Variants in TBCE observed in about 807,000 individuals in gnomAD.
TBCE encodes the protein tubulin-specific chaperone E.
In TBCE, 53 loss-of-function variants were observed where a neutral mutation model predicts 77.0. That is an observed-to-expected ratio of 0.69 (90% CI 0.55 to 0.87). TBCE has a LOEUF of 0.87. TBCE is among the 40% of genes least tolerant of loss of function. The pLI is 0.00. For synonymous variants in TBCE, 235 were observed against 241.3 expected (o/e 0.97, Z 0.24); for missense variants, 624 against 622.4 (o/e 1.00, Z -0.03).
intron 1 of TBCE, among the ~76,000 whole-genome samples, chr1:235,378,489 G>A (rs905805619): frequency 3.3e-5 from 5 of 152,172 alleles, no homozygotes; most frequent in African/African-American, 1.2e-4. Flanking sequence ...CTCCCAAAGC[G>A]CTGAGATTAC....
In TBCE at chr1:235,450,356, C is replaced by CA; in HGVS notation, c.*1597dup. On this transcript the variant is annotated 3_prime_UTR_variant, in exon 17 of 17. Coordinates refer to ENST00000642610, the MANE Select transcript of TBCE (RefSeq NM_003193.5). ...ACAGACTGTCCTGTTGAGAAACAAC[C>CA]AAAGCCGATCTGAGAGTGGTGAAAC... 1 of 1,612,844 alleles carries CA rather than the reference C, an allele frequency of 6.2e-7. No individual in the cohort carries two copies. Among genetic ancestry groups the CA allele is most frequent in the Non-Finnish European group, 8.5e-7 (1 of 1,179,030 alleles).
At chr1:235,411,879 G>A (rs186301356) in intron 3 of TBCE, among the ~76,000 whole-genome samples, 7 of 152,004 alleles carry the variant, frequency 4.6e-5, no homozygotes, top group African/African-American at 1.7e-4. Context: ...TTCAGGACAA[G>A]GGTAGGCTGT....
intron 5 of TBCE, among the ~76,000 whole-genome samples, chr1:235,422,981 A>G (rs1004212881): frequency 1.3e-5 from 2 of 152,204 alleles, no homozygotes; most frequent in African/African-American, 2.4e-5. Flanking sequence ...CGAAGAAATG[A>G]GGTTTCACGA....
chr1:235,377,580 A>G (rs1480320801), intron 1 of TBCE, among the ~76,000 whole-genome samples: 2 of 152,160 alleles, frequency 1.3e-5, no homozygotes, highest in Non-Finnish European at 2.9e-5. Context: ...TGAAATGCTT[A>G]GATTATTCTG....
Position 235,450,261 on chromosome 1 carries a change from TC to T in TBCE, c.*1501del. On this transcript the variant is annotated 3_prime_UTR_variant, in exon 17 of 17. Coordinates refer to ENST00000642610, the MANE Select transcript of TBCE (RefSeq NM_003193.5). ...GCACCGTTCCTTCAGTTTCCACAGT[TC>T]CGTCAGTTCCCACGGAGAATACTGA... 6.2e-7 allele frequency: 1 copy of T among 1,614,118 alleles called. No individual in the cohort carries two copies. The highest frequency in any genetic ancestry group is 8.5e-7 in the Non-Finnish European group (1 of 1,179,970).
intron 2 of TBCE, among the ~76,000 whole-genome samples, chr1:235,380,599 A>G (rs1677577360): frequency 6.6e-6 from 1 of 151,886 alleles, no homozygotes; most frequent in African/African-American, 2.4e-5. Context: ...AAATTTACCT[A>G]TGTTTCTACA....
intron 3 of TBCE, among the ~76,000 whole-genome samples, chr1:235,403,141 A>G (rs1260003385): frequency 1.3e-5 from 2 of 152,122 alleles, no homozygotes; most frequent in Admixed American, 1.3e-4. Context: ...AGGGAGAAAT[A>G]TTTTAGCCAG....
chr1:235,437,265 C>G (rs963114163), intron 11 of TBCE, 57 bp from the exon 12 acceptor site: 1 of 1,612,044 alleles, frequency 6.2e-7, no homozygotes, highest in Non-Finnish European at 8.5e-7. Flanking sequence ...GTTCAAACTT[C>G]TGCAAAAGTG....
At chr1:235,371,971 C>T (rs1676992696) in intron 1 of TBCE, among the ~76,000 whole-genome samples, 1 of 149,202 alleles carries the variant, frequency 6.7e-6, no homozygotes, top group Admixed American at 6.7e-5. Context: ...ACTGTGCCTG[C>T]CCTTTTTTTC....
At chr1:235,377,083 C>G (rs977685075) in intron 1 of TBCE, among the ~76,000 whole-genome samples, 13 of 152,238 alleles carry the variant, frequency 8.5e-5, no homozygotes, top group African/African-American at 3.1e-4. Context: ...ATCCTGGCCC[C>G]CTTCCCAATG....
intron 3 of TBCE, among the ~76,000 whole-genome samples, chr1:235,405,243 A>AT (rs1281743840): frequency 2.0e-5 from 3 of 151,626 alleles, no homozygotes; most frequent in Non-Finnish European, 4.4e-5. Flanking sequence ...GATTATAGGC[A>AT]TGAGCCACTG....
intron 5 of TBCE, among the ~76,000 whole-genome samples, chr1:235,421,894 C>G (rs530104385): frequency 6.6e-6 from 1 of 152,244 alleles, no homozygotes; most frequent in East Asian, 1.9e-4. Context: ...CAAAATGCCC[C>G]GACAGTGCAG....
rs528639904 is a variant in TBCE, at chr1:235,373,871, G to C, written c.-31-6148G>C. On this transcript the variant is annotated intron_variant, in intron 1 of 16. Coordinates refer to ENST00000642610, the MANE Select transcript of TBCE (RefSeq NM_003193.5). ...TCACCGTGTTAGCCAGGATGGTCTC[G>C]ATCTCCTGACCTCGTGATCCTCCCG... is the stretch of plus-strand genomic sequence containing the variant. Among the ~76,000 whole-genome samples, 636 of 145,680 alleles carry C rather than the reference G, an allele frequency of 4.4e-3. 62 individuals carry two copies. The highest frequency in any genetic ancestry group is 6.9e-3 in the Non-Finnish European group (460 of 66,464).
intron 5 of TBCE, among the ~76,000 whole-genome samples, chr1:235,425,410 A>G (rs1680652215): frequency 6.6e-6 from 1 of 152,058 alleles, no homozygotes; most frequent in African/African-American, 2.4e-5. Context: ...GGCCTCCTGG[A>G]GACTCCCGGC....
At chr1:235,442,674 A>T (rs1681975431) in intron 14 of TBCE, among the ~76,000 whole-genome samples, 178 bp from the exon 15 acceptor site, 1 of 152,180 alleles carries the variant, frequency 6.6e-6, no homozygotes, top group Non-Finnish European at 1.5e-5. Context: ...TTGTCCAGCT[A>T]TTTCTGTTGT....
intron 2 of TBCE, among the ~76,000 whole-genome samples, chr1:235,387,095 G>A (rs1039689638): frequency 6.6e-6 from 1 of 152,226 alleles, no homozygotes; most frequent in African/African-American, 2.4e-5. Context: ...ATCAGCAGCA[G>A]TGGCTGCAGA....
intron 13 of TBCE, among the ~76,000 whole-genome samples, chr1:235,440,402 A>ATT (rs550569758): frequency 3.1e-4 from 47 of 151,620 alleles, no homozygotes; most frequent in African/African-American, 6.3e-4. Flanking sequence ...ATATATATAT[A>ATT]TTTTTTTGAG....
chr1:235,396,347 C>T (rs548143393), intron 2 of TBCE, among the ~76,000 whole-genome samples: 5 of 152,164 alleles, frequency 3.3e-5, no homozygotes, highest in Non-Finnish European at 7.3e-5. Flanking sequence ...CGTGAGCCAC[C>T]GTGCCCGGCC....
chr1:235,419,728 A>G (rs762889596), intron 5 of TBCE, among the ~76,000 whole-genome samples, 167 bp downstream of exon 5: 1 of 152,172 alleles, frequency 6.6e-6, no homozygotes, highest in Non-Finnish European at 1.5e-5. Flanking sequence ...TTACCTTCCC[A>G]GACCCCTTTG....
Sources: allele counts gnomAD v4.1 joint callset (sites outside exome capture counted in the v4.1 genomes callset), GRCh38; gene constraint gnomAD v4.1.1; transcripts MANE v1.5; gene names NCBI Gene and HGNC (gene_info 2026-07-23, HGNC 2026-07-21).